Variants in FBRSL1 observed in about 807,000 individuals in gnomAD.
The protein encoded by FBRSL1 is fibrosin like 1.
A neutral mutation model predicts 89.6 loss-of-function variants in FBRSL1; 51 were observed. The observed-to-expected ratio is 0.57, with a 90% CI of 0.45 to 0.72. The LOEUF (loss-of-function observed/expected upper bound fraction) is 0.72. FBRSL1 is among the 30% of genes least tolerant of loss of function. FBRSL1 has a pLI of 0.00. For synonymous variants in FBRSL1, 779 were observed against 681.1 expected (o/e 1.14, Z -2.24); for missense variants, 1,618 against 1,451.8 (o/e 1.11, Z -1.86).
chr12:132,582,649 A>C (rs1173127317), intron 18 of FBRSL1, among the ~76,000 whole-genome samples: 1 of 151,896 alleles, frequency 6.6e-6, no homozygotes, highest in African/African-American at 2.4e-5. Context: ...CCGCGCCCTG[A>C]CCCACGGAGT....
intron 2 of FBRSL1, among the ~76,000 whole-genome samples, chr12:132,508,604 G>A (rs1006216142): frequency 1.3e-5 from 2 of 152,220 alleles, no homozygotes; most frequent in Admixed American, 6.5e-5. Flanking sequence ...GGGCAGCAAG[G>A]CGCGCGTTCC....
intron 1 of FBRSL1, among the ~76,000 whole-genome samples, chr12:132,491,679 C>G (rs543577866): frequency 6.6e-6 from 1 of 152,236 alleles, no homozygotes; most frequent in Non-Finnish European, 1.5e-5. Context: ...AGCCCATGGC[C>G]TGGGATCCCC....
In FBRSL1 at chr12:132,558,041, G is replaced by A. The variant is rs574893554; in HGVS notation, c.646-9440G>A. On this transcript the variant is annotated intron_variant, in intron 5 of 18. Transcript: ENST00000680143. ...CTTCTCTCCTCCCCTCCCCCCGCCC[G>A]TTCCCTCTCTGTGGGCCTCACCATC... Among the ~76,000 whole-genome samples the A allele has an allele frequency of 5.2e-4, 49 of 94,846 alleles. 2 individuals are homozygous for A. Among genetic ancestry groups the A allele is most frequent in the South Asian group, 1.1e-3 (3 of 2,672 alleles). 62.2% of individuals were successfully genotyped at this position (94,846 alleles called of 152,430 possible).
Position 132,574,158 on chromosome 12 carries a change from G to C in FBRSL1, c.1599G>C (p.Gly533=). The C allele has an allele frequency of 7.0e-7, 1 of 1,421,126 alleles. No individual in the cohort carries two copies. The highest frequency in any genetic ancestry group is 9.2e-7 in the Non-Finnish European group (1 of 1,092,554). 88.0% of individuals were successfully genotyped at this position (1,421,126 alleles called of 1,614,324 possible). Residue 533 remains glycine, a splice_region_variant and synonymous_variant, in exon 12 of 19, where the codon GGG becomes GGC. Coordinates refer to ENST00000680143, the MANE Select transcript of FBRSL1 (RefSeq NM_001367871.1). The part of the protein sequence containing the change: ...AVHTLLQKAP[G]VSDPYRAVVK... Reference sequence around the variant, plus strand: ...ACACACTCCTGCAGAAAGCGCCTGGGGTAGGTGTTAGTGGGCGCCCGTCCC... The same window carrying C: ...ACACACTCCTGCAGAAAGCGCCTGGCGTAGGTGTTAGTGGGCGCCCGTCCC...
Position 132,583,232 on chromosome 12 carries a change from C to G in FBRSL1, c.2463C>G (p.Asp821Glu). The G allele has an allele frequency of 1.4e-6, 2 of 1,379,392 alleles. No individual in the cohort carries two copies. The highest frequency in any genetic ancestry group is 2.9e-5 in the South Asian group (2 of 67,812). 85.4% of individuals were successfully genotyped at this position (1,379,392 alleles called of 1,614,324 possible). Residue 821 changes from aspartate to glutamate, a missense_variant, in exon 19 of 19, where the codon GAC (aspartate) becomes GAG (glutamate). By Grantham distance (45) the Asp-to-Glu change is conservative. Coordinates refer to ENST00000680143, the MANE Select transcript of FBRSL1 (RefSeq NM_001367871.1). Reference protein sequence around the residue: ...DVKVKEERGEDEASEPPAGGL... With the variant: ...DVKVKEERGEEEASEPPAGGL... The stretch of plus-strand genomic sequence containing the variant: ...AGGTCAAGGAGGAGCGCGGGGAGGA[C>G]GAGGCCTCCGAGCCCCCGGCGGGCG...
intron 4 of FBRSL1, among the ~76,000 whole-genome samples, chr12:132,531,235 GCAGGCGAGGGGCC>G: frequency 6.7e-6 from 1 of 148,536 alleles, no homozygotes; most frequent in East Asian, 1.9e-4. Flanking sequence ...GGACCCAGGA[GCAGGCGAGGGGCC>G]CAGGCGAGGG....
At chr12:132,537,643 T>C (rs1467405632) in intron 4 of FBRSL1, among the ~76,000 whole-genome samples, 1 of 152,172 alleles carries the variant, frequency 6.6e-6, no homozygotes, top group Non-Finnish European at 1.5e-5. Flanking sequence ...TGGGCAGTGC[T>C]CCCTTGAGGA....
chr12:132,578,997 G>C (rs964729053), intron 15 of FBRSL1, among the ~76,000 whole-genome samples: 10 of 152,136 alleles, frequency 6.6e-5, no homozygotes. Context: ...TCAGTGTGGC[G>C]CCCAGTTCTG....
chr12:132,537,258 G>A lies in FBRSL1; in HGVS notation c.615+9270G>A, dbSNP rs73488520. Among the ~76,000 whole-genome samples, 998 of 152,328 alleles carry A rather than the reference G, an allele frequency of 6.6e-3. 8 individuals carry two copies. Among genetic ancestry groups the A allele is most frequent in the African/African-American group, 0.023 (948 of 41,568 alleles). On this transcript the variant is annotated intron_variant, in intron 4 of 18. Transcript: ENST00000680143. ...TAACAGGAAGAGGTGGCACTCGGGT[G>A]TAGAATGGAAAGCTGTTCAGAGTGA...
chr12:132,511,183 C>T, intron 2 of FBRSL1: 1 of 985,474 alleles, frequency 1.0e-6, no homozygotes, highest in Non-Finnish European at 1.2e-6. Context: ...GACCCGGAGG[C>T]TCCCACCCCC....
At chr12:132,578,330 G>A (rs2040506914) in intron 15 of FBRSL1, among the ~76,000 whole-genome samples, 1 of 36,472 alleles carries the variant, frequency 2.7e-5, no homozygotes, top group African/African-American at 8.0e-5. Flanking sequence ...GGGCAACAGA[G>A]CAAGACCCTG....
At chr12:132,505,671 C>T (rs1441138412) in intron 1 of FBRSL1, among the ~76,000 whole-genome samples, 1 of 152,200 alleles carries the variant, frequency 6.6e-6, no homozygotes, top group Non-Finnish European at 1.5e-5. Flanking sequence ...GCAAGGGCCC[C>T]TGCCTGGGCC....
intron 4 of FBRSL1, among the ~76,000 whole-genome samples, chr12:132,537,079 G>A (rs537759711): frequency 1.8e-4 from 27 of 152,324 alleles, no homozygotes; most frequent in African/African-American, 6.5e-4. Flanking sequence ...CTTGCTGTGT[G>A]GAGACAGCTG....
intron 1 of FBRSL1, among the ~76,000 whole-genome samples, chr12:132,504,179 G>C (rs377594969): frequency 1.3e-5 from 2 of 152,128 alleles, no homozygotes; most frequent in African/African-American, 4.8e-5. Context: ...GGAGCAGGGC[G>C]TGGCCACCTG....
intron 4 of FBRSL1, among the ~76,000 whole-genome samples, chr12:132,531,122 G>A (rs895074436): frequency 6.6e-6 from 1 of 152,114 alleles, no homozygotes; most frequent in African/African-American, 2.4e-5. Flanking sequence ...GCAGGTGGAG[G>A]CCAGACCACC....
At chr12:132,554,308 C>T (rs543195516) in intron 5 of FBRSL1, 2 of 152,334 alleles carry the variant, frequency 1.3e-5, no homozygotes, top group East Asian at 1.9e-4. Flanking sequence ...GCCTCGGAAG[C>T]CTCGAGGGCA....
intron 4 of FBRSL1, among the ~76,000 whole-genome samples, chr12:132,543,027 C>G (rs1046520208): frequency 5.3e-5 from 8 of 152,194 alleles, no homozygotes; most frequent in Admixed American, 4.6e-4. Context: ...CAAGCCCCCT[C>G]CAGGCTCTTC....
chr12:132,507,111 C>G, intron 1 of FBRSL1: 1 of 774,794 alleles, frequency 1.3e-6, no homozygotes, highest in Non-Finnish European at 1.6e-6. Context: ...GACACCATGG[C>G]TCTATGCGGG....
chr12:132,561,399 G>A (rs1246007205), intron 5 of FBRSL1, among the ~76,000 whole-genome samples: 2 of 152,122 alleles, frequency 1.3e-5, no homozygotes, highest in African/African-American at 2.4e-5. Flanking sequence ...GACGTGGAGC[G>A]GAACCCACTA....
Sources: gnomAD v4.1 joint callset for allele counts (sites outside exome capture counted in the v4.1 genomes callset) on GRCh38, gnomAD v4.1.1 for gene constraint, MANE v1.5 for transcripts, NCBI Gene and HGNC (gene_info 2026-07-23, HGNC 2026-07-21) for gene names.